IQCF1: variants seen among roughly 807,000 people sequenced by gnomAD.
The protein encoded by IQCF1 is IQ motif containing F1, also known as IQ domain-containing protein F1.
A neutral mutation model predicts 12.5 loss-of-function variants in IQCF1; 9 were observed. The observed-to-expected ratio is 0.72, with a 90% CI of 0.43 to 1.26. The LOEUF is 1.26. IQCF1 is among the 50% of genes most tolerant of loss of function. IQCF1 has a pLI of 0.00. For missense variants in IQCF1, 252 were observed against 257.4 expected, an observed-to-expected ratio of 0.98 and a Z score of 0.14; for synonymous variants, 67 against 96.2, an observed-to-expected ratio of 0.70 and a Z score of 1.78.
At position 51,900,507 on chromosome 3, in the gene IQCF1, C is replaced by T. The variant is rs1054939574; in HGVS notation, c.108+2478G>A. ...GACTTGCCAAGTCAAAGACAGCTCTCTACTTCAGAAAAGTACCTCTGTCCC... is the reference window on the plus strand; with the variant it reads ...GACTTGCCAAGTCAAAGACAGCTCTTTACTTCAGAAAAGTACCTCTGTCCC... On this transcript the variant is annotated intron_variant, in intron 2 of 3. Coordinates refer to ENST00000310914, the MANE Select transcript of IQCF1 (RefSeq NM_152397.3). The surrounding 1 kb of genome is among the most constrained non-coding windows in gnomAD (Gnocchi z 4.2). Among the ~76,000 whole-genome samples the T allele has an allele frequency of 5.3e-5, 8 of 152,354 alleles. No homozygotes were observed. The highest frequency in any genetic ancestry group is 3.4e-3 in the Middle Eastern group (1 of 294).
Position 51,895,325 on chromosome 3 carries a change from G to GT in IQCF1, c.182dup (p.Asn61LysfsTer7). On this transcript the variant is annotated frameshift_variant, in exon 4 of 4. Transcript: ENST00000310914. LOFTEE classifies it low-confidence loss of function (END_TRUNC). This position sits in a 1 kb window ranked among gnomAD's most constrained non-coding sequence, Gnocchi z 4.8. ...TATCTTTGTCAGAGAGCTTCTTTTG[G>GT]TTTTCTGGGGGCTTTCAAGAAAAAA... is the stretch of plus-strand genomic sequence containing the variant. 1.3e-6 allele frequency: 2 copies of GT among 1,550,814 alleles called. No homozygotes were observed. Among genetic ancestry groups the GT allele is most frequent in the Non-Finnish European group, 1.7e-6 (2 of 1,155,406 alleles).
chr3:51,902,604 C>G (rs1699089349), intron 2 of IQCF1, among the ~76,000 whole-genome samples: 1 of 152,206 alleles, frequency 6.6e-6, no homozygotes, highest in South Asian at 2.1e-4. Context: ...ATTCCGATTT[C>G]CTGCTCCGCG....
At chr3:51,897,494 G>T (rs1358466379) in intron 2 of IQCF1, among the ~76,000 whole-genome samples, 1 of 152,246 alleles carries the variant, frequency 6.6e-6, no homozygotes, top group Non-Finnish European at 1.5e-5. Flanking sequence ...GTTCTCCAAC[G>T]TGAGGAGGCA....
chr3:51,897,778 G>C (rs527449855), intron 2 of IQCF1, among the ~76,000 whole-genome samples: 1 of 152,350 alleles, frequency 6.6e-6, no homozygotes, highest in South Asian at 2.1e-4. Flanking sequence ...TGTTGTTCGT[G>C]TGGACAGTGA....
intron 2 of IQCF1, among the ~76,000 whole-genome samples, chr3:51,899,760 G>A (rs973217751): frequency 6.6e-6 from 1 of 152,076 alleles, no homozygotes; most frequent in African/African-American, 2.4e-5. Context: ...TTACCTTATG[G>A]TCAGACATCA....
At chr3:51,898,154 G>T (rs1699033579) in intron 2 of IQCF1, among the ~76,000 whole-genome samples, 1 of 152,136 alleles carries the variant, frequency 6.6e-6, no homozygotes, top group African/African-American at 2.4e-5. Flanking sequence ...GCTGGCAGAG[G>T]CAGGGAAAGA....
At position 51,896,697 on chromosome 3, in the gene IQCF1, ACACACACACACACACG is replaced by A. The variant is rs770695868; in HGVS notation, c.171+119_171+134del. 546 of 405,604 alleles carry A rather than the reference ACACACACACACACACG, an allele frequency of 1.3e-3. 1 individual carries two copies. Among genetic ancestry groups the A allele is most frequent in the African/African-American group, 9.6e-3 (474 of 49,162 alleles). The allele number at this position is 405,604 out of a possible 1,614,324, so 25.1% of individuals were successfully genotyped here. On this transcript the variant is annotated intron_variant, in intron 3 of 3. Coordinates refer to ENST00000310914, the MANE Select transcript of IQCF1 (RefSeq NM_152397.3). The stretch of plus-strand genomic sequence containing the variant: ...CATGCACAAGCTCAAACACGCGCGC[ACACACACACACACACG>A]CACACACACACACACATACTTCTAA...
intron 2 of IQCF1, among the ~76,000 whole-genome samples, chr3:51,899,220 T>C (rs192111476): frequency 1.4e-4 from 21 of 152,258 alleles, no homozygotes; most frequent in African/African-American, 4.8e-4. Context: ...GGGGAGAATT[T>C]ATGTAAAAAG....
Position 51,900,277 on chromosome 3 carries a change from C to A in IQCF1, c.108+2708G>T, listed in dbSNP as rs114424516. On this transcript the variant is annotated intron_variant, in intron 2 of 3. Transcript: ENST00000310914. The surrounding 1 kb of genome is among the most constrained non-coding windows in gnomAD (Gnocchi z 4.2). ...ACTCACCACACCTGAGTCAAGAAAG[C>A]GCCACCCCTTCCAGAGTCACGGGCC... 6.6e-6 allele frequency among the ~76,000 whole-genome samples: 1 copy of A among 152,112 alleles called. No individual in the cohort carries two copies. The highest frequency in any genetic ancestry group is 1.5e-5 in the Non-Finnish European group (1 of 68,010).
In IQCF1 at chr3:51,900,984, T is replaced by C. The variant is rs1270471518; in HGVS notation, c.108+2001A>G. On this transcript the variant is annotated intron_variant, in intron 2 of 3. Transcript: ENST00000310914. This position sits in a 1 kb window ranked among gnomAD's most constrained non-coding sequence, Gnocchi z 4.2. ...AAGCCTTCTTCCAAAACCTCTCACA[T>C]GGAACAATTGCTCCTCCTCCATCTA... is the stretch of plus-strand genomic sequence containing the variant. 6.6e-6 allele frequency among the ~76,000 whole-genome samples: 1 copy of C among 152,176 alleles called. No individual in the cohort carries two copies. Among genetic ancestry groups the C allele is most frequent in the Admixed American group, 6.5e-5 (1 of 15,280 alleles).
intron 2 of IQCF1, among the ~76,000 whole-genome samples, chr3:51,898,951 C>A (rs759506631): frequency 2.0e-5 from 3 of 152,220 alleles, no homozygotes; most frequent in Non-Finnish European, 4.4e-5. Context: ...CCTTAAAGTA[C>A]TTACAGAATC....
Position 51,895,290 on chromosome 3 carries a change from G to A in IQCF1, c.218C>T (p.Thr73Ile), listed in dbSNP as rs1698989976. Residue 73 changes from threonine (T) to isoleucine (I), a missense_variant, in exon 4 of 4, where the codon ACC (threonine) becomes ATC (isoleucine). Physicochemically the swap from Thr to Ile is moderately conservative, Grantham distance 89. Transcript: ENST00000310914. The surrounding 1 kb of genome is among the most constrained non-coding windows in gnomAD (Gnocchi z 4.8). ...KKLSDKDTVA[T>I]KIQAWWRGTL... is the part of the protein sequence containing the mutation. ...GCCCCGCCACCAGGCCTGGATCTTGGTGGCTACCGTATCTTTGTCAGAGAG... is the reference window on the plus strand; with the variant it reads ...GCCCCGCCACCAGGCCTGGATCTTGATGGCTACCGTATCTTTGTCAGAGAG... The A allele has an allele frequency of 3.7e-6, 6 of 1,614,094 alleles. No individual in the cohort carries two copies. The highest frequency in any genetic ancestry group is 2.2e-5 in the South Asian group (2 of 91,064).
rs369672491 is a variant in IQCF1 at position 51,900,126 on chromosome 3, G to A, written c.108+2859C>T. Among the ~76,000 whole-genome samples, 1 of 152,024 alleles carries A rather than the reference G, an allele frequency of 6.6e-6. No individual in the cohort carries two copies. The highest frequency in any genetic ancestry group is 2.1e-4 in the South Asian group (1 of 4,818). ...CACCCCTAGAATTTCCGGTAAACCA[G>A]CACCAGCCTGAAGATCACATTCTCA... On this transcript the variant is annotated intron_variant, in intron 2 of 3. Transcript: ENST00000310914. This position sits in a 1 kb window ranked among gnomAD's most constrained non-coding sequence, Gnocchi z 4.2.
chr3:51,897,760 A>G (rs1222289155), intron 2 of IQCF1, among the ~76,000 whole-genome samples: 3 of 152,174 alleles, frequency 2.0e-5, no homozygotes, highest in African/African-American at 7.2e-5. Context: ...AAACAACCCT[A>G]TTTGCAGTGT....
chr3:51,897,030 T>G (rs1699012513), intron 2 of IQCF1, 136 bp from the exon 3 acceptor site: 6 of 724,538 alleles, frequency 8.3e-6, no homozygotes, highest in Non-Finnish European at 1.4e-5. Flanking sequence ...CTTTGCCTTC[T>G]ACTTTTAAAC....
chr3:51,895,200 C>T lies in IQCF1; in HGVS notation c.308G>A (p.Arg103Gln), dbSNP rs371107762. The T allele has an allele frequency of 1.6e-5, 26 of 1,614,070 alleles. No individual in the cohort carries two copies. Among genetic ancestry groups the T allele is most frequent in the East Asian group, 1.1e-4 (5 of 44,892 alleles). ...CTTCAGAATCTTGGACAGTATCAGC[C>T]GCCACCAGCACTGAATGATGCAGGC... ...LSACIIQCWWRLILSKILKKR... is the reference protein window; with the variant it reads ...LSACIIQCWWQLILSKILKKR... Residue 103 changes from arginine to glutamine, a missense_variant, in exon 4 of 4, where the codon CGG becomes CAG. By Grantham distance (43) the Arg-to-Gln change is conservative (BLOSUM62 1). Coordinates refer to ENST00000310914, the MANE Select transcript of IQCF1 (RefSeq NM_152397.3). This position sits in a 1 kb window ranked among gnomAD's most constrained non-coding sequence, Gnocchi z 4.8.
intron 2 of IQCF1, among the ~76,000 whole-genome samples, chr3:51,899,969 C>CA (rs1699055859): frequency 6.6e-6 from 1 of 152,110 alleles, no homozygotes; most frequent in African/African-American, 2.4e-5. Context: ...AGTAAGAAGG[C>CA]ACCAAGGACA....
intron 2 of IQCF1, chr3:51,902,763 C>T (rs1699093870): frequency 1.9e-6 from 1 of 519,370 alleles, no homozygotes; most frequent in Admixed American, 3.1e-5. Context: ...GAACCCCTTC[C>T]CCTCCCTTGT....
In IQCF1 at chr3:51,895,105, C is replaced by T; in HGVS notation, c.403G>A (p.Ala135Thr). ...EWAAVTLQSQ[A>T]RMWRIRRRYC... is the part of the protein sequence containing the mutation. The stretch of plus-strand genomic sequence containing the variant: ...CGTCTGCGGATGCGCCACATGCGGG[C>T]CTGGGACTGCAGTGTGACTGCTGCC... Residue 135 changes from alanine to threonine, a missense_variant, in exon 4 of 4, where the codon GCC becomes ACC. Transcript: ENST00000310914. The surrounding 1 kb of genome is among the most constrained non-coding windows in gnomAD (Gnocchi z 4.8). 1.2e-6 allele frequency: 2 copies of T among 1,614,248 alleles called. No individual in the cohort carries two copies. The highest frequency in any genetic ancestry group is 1.7e-6 in the Non-Finnish European group (2 of 1,180,050).
Sources: gnomAD v4.1 joint callset for allele counts (sites outside exome capture counted in the v4.1 genomes callset) on GRCh38, gnomAD v4.1.1 for gene constraint, Gnocchi (gnomAD v3.1) non-coding constraint, MANE v1.5 for transcripts, NCBI Gene and HGNC (gene_info 2026-07-23, HGNC 2026-07-21) for gene names.